Variants in CGGBP1 observed in about 807,000 individuals in gnomAD.
The protein encoded by CGGBP1 is CGG triplet repeat-binding protein 1.
In CGGBP1, 4 loss-of-function variants were observed where a neutral mutation model predicts 11.4. The observed-to-expected ratio is 0.35, with a 90% CI of 0.17 to 0.80. CGGBP1 has a LOEUF of 0.80. CGGBP1 is among the 30% of genes least tolerant of loss of function. The pLI is 0.52. For synonymous variants in CGGBP1, 76 were observed against 74.1 expected, an observed-to-expected ratio of 1.03 and a Z score of -0.13; for missense variants, 135 against 202.1, an observed-to-expected ratio of 0.67 and a Z score of 2.01.
chr3:88,141,505 A>G lies in CGGBP1; in HGVS notation c.-337-427T>C, dbSNP rs545929609. 794 of 551,720 alleles carry G rather than the reference A, an allele frequency of 1.4e-3. 1 individual carries two copies. Among genetic ancestry groups the G allele is most frequent in the Non-Finnish European group, 1.9e-3 (670 of 343,940 alleles). 34.2% of individuals were successfully genotyped at this position (551,720 alleles called of 1,614,324 possible). A position where few individuals can be genotyped will look rare whatever the true frequency, so the allele number is the denominator to read the frequency against. On this transcript the variant is annotated intron_variant, in intron 1 of 3. Coordinates refer to the CGGBP1 transcript ENST00000462901. ...AAAGAACAGAAAATAATTGAGAAAC[A>G]AAATCAGAAAAAGAGCTTGTCTGTC...
At chr3:88,061,384 A>G (rs143987930), upstream of CGGBP1, among the ~76,000 whole-genome samples, 18 of 152,322 alleles carry the variant, frequency 1.2e-4, 2 homozygotes, top group African/African-American at 4.3e-4. Flanking sequence ...TACCTCCTGT[A>G]TATCCAAGGA....
At chr3:88,129,925 G>T (rs1706344701) in intron 2 of CGGBP1, 3 of 1,126,658 alleles carry the variant, frequency 2.7e-6, no homozygotes, top group Admixed American at 6.6e-5. Context: ...AAAATGTCAA[G>T]CTACTTTTAA....
chr3:88,064,632 T>C (rs1707093636), intron 2 of CGGBP1, among the ~76,000 whole-genome samples: 1 of 152,244 alleles, frequency 6.6e-6, no homozygotes, highest in Admixed American at 6.5e-5. Flanking sequence ...ACTGATGGCT[T>C]GGCTTTCAGT....
chr3:88,104,108 G>A (rs1704598069), intron 2 of CGGBP1, among the ~76,000 whole-genome samples: 1 of 152,060 alleles, frequency 6.6e-6, no homozygotes, highest in African/African-American at 2.4e-5. Flanking sequence ...AGAGATGTAT[G>A]TAATCAAAAA....
intron 2 of CGGBP1, chr3:88,139,559 TGGGAATTCTGATAGTAA>T (rs1559736663): frequency 6.2e-7 from 1 of 1,613,546 alleles, no homozygotes; most frequent in Admixed American, 1.7e-5. Context: ...CATTTGAAAA[TGGGAATTCTGATAGTAA>T]GGATTTGGAA....
At chr3:88,068,475 T>C (rs1188406728) in intron 2 of CGGBP1, among the ~76,000 whole-genome samples, 3 of 152,128 alleles carry the variant, frequency 2.0e-5, no homozygotes, top group South Asian at 2.1e-4. Flanking sequence ...TAACAAAACA[T>C]GTACAGGTTG....
chr3:88,130,213 G>T (rs1420620432), intron 2 of CGGBP1, among the ~76,000 whole-genome samples: 1 of 151,846 alleles, frequency 6.6e-6, no homozygotes, highest in Non-Finnish European at 1.5e-5. Flanking sequence ...ACTCTTCAGG[G>T]GCTATTAAGA....
At chr3:88,109,332 G>T (rs1704949051) in intron 2 of CGGBP1, among the ~76,000 whole-genome samples, 1 of 152,066 alleles carries the variant, frequency 6.6e-6, no homozygotes, top group Non-Finnish European at 1.5e-5. Flanking sequence ...AGAAATTTCT[G>T]TAAGATACCA....
chr3:88,101,004 A>G (rs1704389149), intron 2 of CGGBP1, among the ~76,000 whole-genome samples: 5 of 152,214 alleles, frequency 3.3e-5, no homozygotes. Flanking sequence ...ACTTGAAAGT[A>G]AAAGTAGTAG....
intron 2 of CGGBP1, among the ~76,000 whole-genome samples, chr3:88,109,962 T>G (rs1704989558): frequency 6.6e-6 from 1 of 152,148 alleles, no homozygotes; most frequent in South Asian, 2.1e-4. Flanking sequence ...AATTTAAGAA[T>G]AATTAGCCTG....
Position 88,053,734 on chromosome 3 carries a change from A to T in CGGBP1, c.*1739T>A, listed in dbSNP as rs1706480572. The T allele has an allele frequency of 6.6e-6, 1 of 152,600 alleles. No individual in the cohort carries two copies. Among genetic ancestry groups the T allele is most frequent in the African/African-American group, 2.4e-5 (1 of 41,456 alleles). The allele number at this position is 152,600 out of a possible 1,614,324, so 9.5% of individuals were successfully genotyped here. On this transcript the variant is annotated 3_prime_UTR_variant, in exon 4 of 4. Coordinates refer to ENST00000482016, the MANE Select transcript of CGGBP1 (RefSeq NM_001008390.2). ...CTACCATCTTAGATAGTTCAAATTAAACATGGTTGCCTGCAAATTCTTTTC... is the reference window on the plus strand; with the variant it reads ...CTACCATCTTAGATAGTTCAAATTATACATGGTTGCCTGCAAATTCTTTTC...
At chr3:88,145,698 TAGAGTCAA>T (rs1707300113) in intron 1 of CGGBP1, among the ~76,000 whole-genome samples, 1 of 152,134 alleles carries the variant, frequency 6.6e-6, no homozygotes, top group South Asian at 2.1e-4. Flanking sequence ...AGATTTGAAA[TAGAGTCAA>T]TCCACTAATA....
intron 2 of CGGBP1, among the ~76,000 whole-genome samples, chr3:88,099,517 A>G (rs1704273765): frequency 6.6e-6 from 1 of 151,648 alleles, no homozygotes; most frequent in Non-Finnish European, 1.5e-5. Context: ...CCGCATTGCC[A>G]AGACAATCCT....
At chr3:88,109,179 G>GTGTGTA (rs1453735950) in intron 2 of CGGBP1, among the ~76,000 whole-genome samples, 1 of 150,284 alleles carries the variant, frequency 6.7e-6, no homozygotes, top group African/African-American at 2.5e-5. Flanking sequence ...GTGTGTGTGT[G>GTGTGTA]TATGAAGAAA....
chr3:88,112,554 A>T (rs1217700395), intron 2 of CGGBP1, among the ~76,000 whole-genome samples: 1 of 151,982 alleles, frequency 6.6e-6, no homozygotes, highest in Non-Finnish European at 1.5e-5. Context: ...CCATCCTGTT[A>T]TGAGTGGGAT....
At chr3:88,079,331 G>A (rs1707966828) in intron 2 of CGGBP1, among the ~76,000 whole-genome samples, 1 of 152,048 alleles carries the variant, frequency 6.6e-6, no homozygotes, top group Non-Finnish European at 1.5e-5. Context: ...AGACTATGGA[G>A]AAATAGTTAA....
intron 2 of CGGBP1, among the ~76,000 whole-genome samples, chr3:88,088,342 A>G (rs1354139396): frequency 6.6e-6 from 1 of 152,224 alleles, no homozygotes; most frequent in Non-Finnish European, 1.5e-5. Context: ...ATGCAATGAA[A>G]AAGTGAAAAA....
intron 2 of CGGBP1, chr3:88,140,322 C>A (rs2107894984): frequency 6.2e-7 from 1 of 1,613,680 alleles, no homozygotes; most frequent in Non-Finnish European, 8.5e-7. Flanking sequence ...TGAAACAATT[C>A]TTTGGGATGT....
intron 2 of CGGBP1, among the ~76,000 whole-genome samples, chr3:88,092,861 A>G (rs1219090706): frequency 6.6e-6 from 1 of 152,188 alleles, no homozygotes; most frequent in Non-Finnish European, 1.5e-5. Flanking sequence ...ATATGTATTG[A>G]TCTGCCTTCT....
Sources: allele counts gnomAD v4.1 joint callset (sites outside exome capture counted in the v4.1 genomes callset), GRCh38; gene constraint gnomAD v4.1.1; transcripts MANE v1.5; gene names NCBI Gene and HGNC (gene_info 2026-07-23, HGNC 2026-07-21).